COL16A1: variants seen among roughly 807,000 people sequenced by gnomAD.
COL16A1 encodes the protein collagen alpha-1(XVI) chain.
In COL16A1, 189 loss-of-function variants were observed where a neutral mutation model predicts 266.3. The ratio of observed to expected loss-of-function variants is 0.71; its 90% CI spans 0.63 to 0.80. COL16A1 has a LOEUF of 0.80. Among genes scored for constraint, COL16A1 ranks in the 30% least tolerant of loss-of-function variants. The pLI is 0.00. For synonymous variants in COL16A1, 740 were observed against 782.3 expected, an observed-to-expected ratio of 0.95 and a Z score of 0.90; for missense variants, 1,928 against 2,122.4, an observed-to-expected ratio of 0.91 and a Z score of 1.80.
rs1642320234 is a variant in COL16A1, at chr1:31,668,283, G to A, written c.3250-65C>T. 2.6e-6 allele frequency: 4 copies of A among 1,556,150 alleles called. No individual in the cohort carries two copies. Among genetic ancestry groups the A allele is most frequent in the Middle Eastern group, 1.7e-4 (1 of 5,958 alleles). On this transcript the variant is annotated intron_variant, in intron 50 of 70. Coordinates refer to ENST00000373672, the MANE Select transcript of COL16A1 (RefSeq NM_001856.4). The surrounding 1 kb of genome is among the most constrained non-coding windows in gnomAD (Gnocchi z 5.8). ...TTTCTGTTCTCCCCTCGCTGGGTAA[G>A]AGGATGGCCAAAGCTAAAACCTCTG...
chr1:31,665,508 G>T, intron 55 of COL16A1, 75 bp downstream of exon 55: 1 of 1,612,504 alleles, frequency 6.2e-7, no homozygotes, highest in East Asian at 2.2e-5. Flanking sequence ...TCCTACCCCA[G>T]CCTGGCCTGG....
chr1:31,653,646 T>A lies in COL16A1; in HGVS notation c.4565A>T (p.Asp1522Val). The A allele has an allele frequency of 6.2e-7, 1 of 1,613,808 alleles. No homozygotes were observed. The highest frequency in any genetic ancestry group is 8.5e-7 in the Non-Finnish European group (1 of 1,179,860). ...TTCTCCTGCAATGCCAATACCAATGTCCCCTTTTTCACCTTTGGTACCAGG... is the reference window on the plus strand; with the variant it reads ...TTCTCCTGCAATGCCAATACCAATGACCCCTTTTTCACCTTTGGTACCAGG... Reference protein sequence around the residue: ...GLPGTKGEKGDIGIGIAGENG... With the variant: ...GLPGTKGEKGVIGIGIAGENG... Residue 1522 changes from aspartate (D) to valine (V), a missense_variant, in exon 70 of 71, where the codon GAC becomes GTC. Physicochemically the swap from Asp to Val is radical, Grantham distance 152 (BLOSUM62 -3). Transcript: ENST00000373672.
In COL16A1 at chr1:31,679,779, GGACAAGAGGA is replaced by G. The variant is rs751599228; in HGVS notation, c.2718+15_2718+24del. On this transcript the variant is annotated intron_variant, in intron 41 of 70. Coordinates refer to ENST00000373672, the MANE Select transcript of COL16A1 (RefSeq NM_001856.4). ...GGTGGACAAGCCGCGGGGCGCTGGC[GGACAAGAGGA>G]GACAAGCGACACACCTGCGGGCCCG... 1.3e-6 allele frequency: 2 copies of G among 1,580,726 alleles called. No homozygotes were observed. Among genetic ancestry groups the G allele is most frequent in the Non-Finnish European group, 1.7e-6 (2 of 1,163,420 alleles).
In COL16A1 at chr1:31,693,141, T is replaced by C. The variant is rs754136133; in HGVS notation, c.1022A>G (p.Glu341Gly). 1.2e-6 allele frequency: 2 copies of C among 1,610,588 alleles called. No individual in the cohort carries two copies. The highest frequency in any genetic ancestry group is 8.5e-7 in the Non-Finnish European group (1 of 1,177,002). Residue 341 changes from glutamate (E) to glycine (G), a missense_variant, in exon 13 of 71, where the codon GAG (glutamate) becomes GGG (glycine). Coordinates refer to ENST00000373672, the MANE Select transcript of COL16A1 (RefSeq NM_001856.4). ...APSGPKGGKGERGLPGPPGSK... is the reference protein window; with the variant it reads ...APSGPKGGKGGRGLPGPPGSK... ...GCCTGGTGGACCAGGCAGGCCCCGC[T>C]CACCTTTCCCTCCCTGAGAGTGAAA...
intron 70 of COL16A1, chr1:31,653,395 G>T (rs750520985): frequency 3.5e-6 from 2 of 570,140 alleles, no homozygotes; most frequent in Non-Finnish European, 6.0e-6. Flanking sequence ...CCCAGTTTAG[G>T]ACTTAAGGAC....
At chr1:31,689,214 C>A in intron 23 of COL16A1, 129 bp from the exon 24 acceptor site, 1 of 1,447,908 alleles carries the variant, frequency 6.9e-7, no homozygotes, top group Non-Finnish European at 9.4e-7. Context: ...CCATGGGGTC[C>A]AAGGCCAGCA....
chr1:31,672,390 G>C (rs200826875), intron 47 of COL16A1, 26 bp downstream of exon 47: 28 of 1,613,294 alleles, frequency 1.7e-5, no homozygotes, highest in Non-Finnish European at 2.3e-5. Context: ...GCTCCCTTGA[G>C]GATGAATCCC....
At chr1:31,682,258 C>A (rs1463606654) in intron 37 of COL16A1, among the ~76,000 whole-genome samples, 1 of 152,152 alleles carries the variant, frequency 6.6e-6, no homozygotes, top group African/African-American at 2.4e-5. Flanking sequence ...ATAGACATGT[C>A]TCTTAAAACG....
At chr1:31,680,311 T>C (rs1643535892) in intron 39 of COL16A1, among the ~76,000 whole-genome samples, 1 of 152,176 alleles carries the variant, frequency 6.6e-6, no homozygotes, top group South Asian at 2.1e-4. Flanking sequence ...TCCAAGCGCA[T>C]GGAGTCTCAG....
At chr1:31,690,339 G>C in intron 22 of COL16A1, 28 bp downstream of exon 22, 2 of 1,613,208 alleles carry the variant, frequency 1.2e-6, no homozygotes, top group Non-Finnish European at 1.7e-6. Context: ...TTCCCACCCC[G>C]ATCTGGGCAG....
intron 26 of COL16A1, among the ~76,000 whole-genome samples, chr1:31,687,262 A>G (rs1309230997): frequency 6.6e-6 from 1 of 151,916 alleles, no homozygotes; most frequent in South Asian, 2.1e-4. Flanking sequence ...CACGCCTGTA[A>G]TCCCAGCTAA....
Position 31,690,372 on chromosome 1 carries a change from C to T in COL16A1, c.1504G>A (p.Glu502Lys). ...GKPGKPGVKG[E>K]KGDPCEVCPT... ...CAGCCAGGCCTAGGACTCACCTTCT[C>T]TCCCTTCACACCTGGCTTCCCCTGT... is the stretch of plus-strand genomic sequence containing the variant. Residue 502 changes from glutamate to lysine, a missense_variant, in exon 22 of 71, where the codon GAG becomes AAG. Coordinates refer to ENST00000373672, the MANE Select transcript of COL16A1 (RefSeq NM_001856.4). 2 of 1,614,080 alleles carry T rather than the reference C, an allele frequency of 1.2e-6. No homozygotes were observed. Among genetic ancestry groups the T allele is most frequent in the Non-Finnish European group, 1.7e-6 (2 of 1,180,024 alleles).
chr1:31,677,813 G>T (rs1161983943), intron 42 of COL16A1, among the ~76,000 whole-genome samples: 2 of 152,198 alleles, frequency 1.3e-5, no homozygotes, highest in African/African-American at 4.8e-5. Context: ...TCAAGCACTG[G>T]CACTAGGTAA....
Position 31,691,171 on chromosome 1 carries a change from C to T in COL16A1, c.1437+17G>A, listed in dbSNP as rs1417919516. 1 of 1,613,036 alleles carries T rather than the reference C, an allele frequency of 6.2e-7. No individual in the cohort carries two copies. Among genetic ancestry groups the T allele is most frequent in the Non-Finnish European group, 8.5e-7 (1 of 1,179,558 alleles). ...GCATGGAGCTCCCCACGTGACCACA[C>T]TCCCACCTATGCTCACCTTGTCTCC... On this transcript the variant is annotated intron_variant, in intron 20 of 70. Transcript: ENST00000373672.
intron 48 of COL16A1, 106 bp downstream of exon 48, chr1:31,671,509 C>T: frequency 7.0e-7 from 1 of 1,438,732 alleles, no homozygotes; most frequent in Non-Finnish European, 9.6e-7. Flanking sequence ...AAGTTCCCTC[C>T]TCCTGCCTTG....
Position 31,697,056 on chromosome 1 carries a change from G to T in COL16A1, c.771C>A (p.Asp257Glu). The part of the protein sequence containing the change: ...CPPETSKARR[D>E]TQSNELIEIN... ...TCTCAATGAGCTCATTGCTCTGGGT[G>T]TCCCGGCGGGCCTTGGAGGTCTCTG... The change falls in exon 8 of 71, where the codon GAC (aspartate) becomes GAA (glutamate). Residue 257 changes from aspartate (D) to glutamate (E), a missense_variant. Around this residue, in one of 2 missense-constraint regions of COL16A1, gnomAD observed 1,552 missense variants for 1,637.2 expected, o/e 0.95. Transcript: ENST00000373672. This position sits in a 1 kb window ranked among gnomAD's most constrained non-coding sequence, Gnocchi z 4.2. The T allele has an allele frequency of 6.2e-7, 1 of 1,614,190 alleles. No homozygotes were observed. Among genetic ancestry groups the T allele is most frequent in the Non-Finnish European group, 8.5e-7 (1 of 1,180,016 alleles).
At chr1:31,667,749 G>T in intron 51 of COL16A1, 121 bp from the exon 52 acceptor site, 1 of 983,188 alleles carries the variant, frequency 1.0e-6, no homozygotes, top group Non-Finnish European at 1.6e-6. Flanking sequence ...GGCACTGGGA[G>T]GACCGCTGGG....
chr1:31,654,563 G>T (rs1466135029), intron 68 of COL16A1, among the ~76,000 whole-genome samples: 4 of 152,186 alleles, frequency 2.6e-5, no homozygotes, highest in Admixed American at 6.5e-5. Flanking sequence ...TTGCTCAAGT[G>T]GGGGCTCGGG....
intron 48 of COL16A1, 80 bp downstream of exon 48, chr1:31,671,535 A>C: frequency 1.9e-6 from 3 of 1,567,308 alleles, no homozygotes; most frequent in Non-Finnish European, 2.6e-6. Context: ...CCTTTTGGGG[A>C]CAAGGCCGCG....
Sources: gnomAD v4.1 joint callset for allele counts (sites outside exome capture counted in the v4.1 genomes callset) on GRCh38, gnomAD v4.1.1 for gene constraint, gnomAD v4.1.1 regional missense constraint, Gnocchi (gnomAD v3.1) non-coding constraint, MANE v1.5 for transcripts, NCBI Gene and HGNC (gene_info 2026-07-23, HGNC 2026-07-21) for gene names.